Variants in ZBTB16 observed in about 807,000 individuals in gnomAD.
ZBTB16 encodes the protein zinc finger and BTB domain-containing protein 16.
Under a neutral mutation model 56.8 loss-of-function variants are expected in ZBTB16, and 8 were observed. The ratio of observed to expected loss-of-function variants is 0.14; its 90% CI spans 0.08 to 0.25. The LOEUF (loss-of-function observed/expected upper bound fraction) is 0.25. ZBTB16 is among the 10% of genes least tolerant of loss of function. The pLI, the probability that ZBTB16 is intolerant of heterozygous loss-of-function variation, is 1.00. For missense variants in ZBTB16, 625 were observed against 903.0 expected, an observed-to-expected ratio of 0.69 and a Z score of 3.95; for synonymous variants, 363 against 368.5, an observed-to-expected ratio of 0.98 and a Z score of 0.17.
chr11:114,236,795 G>A (rs1175042035), intron 4 of ZBTB16, among the ~76,000 whole-genome samples: 1 of 152,194 alleles, frequency 6.6e-6, no homozygotes, highest in Non-Finnish European at 1.5e-5. Context: ...GTGTGTTGGG[G>A]AATATAAAGA....
chr11:114,123,224 G>A (rs1236805786), intron 2 of ZBTB16, among the ~76,000 whole-genome samples: 1 of 152,096 alleles, frequency 6.6e-6, no homozygotes, highest in Admixed American at 6.5e-5. Context: ...ATTAATTGTA[G>A]AGGGGCACAA....
chr11:114,090,026 T>G (rs2137722570), intron 2 of ZBTB16, among the ~76,000 whole-genome samples: 1 of 152,324 alleles, frequency 6.6e-6, no homozygotes, highest in South Asian at 2.1e-4. Context: ...AGTTAAGATC[T>G]TAGCTCCATA....
intron 4 of ZBTB16, among the ~76,000 whole-genome samples, chr11:114,239,581 C>A (rs912590753): frequency 2.0e-5 from 3 of 152,208 alleles, no homozygotes; most frequent in Non-Finnish European, 4.4e-5. Context: ...CAGAAAGATA[C>A]ATCTCTCATT....
At chr11:114,080,718 C>T (rs1438179577) in intron 2 of ZBTB16, among the ~76,000 whole-genome samples, 1 of 152,178 alleles carries the variant, frequency 6.6e-6, no homozygotes, top group African/African-American at 2.4e-5. Flanking sequence ...TCTGCTTTCT[C>T]CCTTCTATTT....
chr11:114,142,775 G>GA, intron 2 of ZBTB16, among the ~76,000 whole-genome samples: 1 of 152,184 alleles, frequency 6.6e-6, no homozygotes, highest in South Asian at 2.1e-4. Flanking sequence ...GGGAGCTGGG[G>GA]GGATTGTGGA....
chr11:114,240,054 C>T (rs1014194212), intron 4 of ZBTB16, among the ~76,000 whole-genome samples: 4 of 152,222 alleles, frequency 2.6e-5, no homozygotes, highest in Non-Finnish European at 5.9e-5. Flanking sequence ...ATTCGCTCCC[C>T]TTCCTTCCTG....
intron 4 of ZBTB16, 99 bp from the exon 5 acceptor site, chr11:114,242,068 G>T: frequency 6.7e-7 from 1 of 1,485,100 alleles, no homozygotes; most frequent in Non-Finnish European, 9.3e-7. Flanking sequence ...ATGGGGATTT[G>T]GAGGTGTGAG....
intron 4 of ZBTB16, among the ~76,000 whole-genome samples, chr11:114,201,955 TA>T (rs34910872): frequency 6.6e-6 from 1 of 152,208 alleles, no homozygotes; most frequent in African/African-American, 2.4e-5. Flanking sequence ...GGAGGACTTC[TA>T]AAAAGAAAAG....
chr11:114,081,648 C>T (rs1479143201), intron 2 of ZBTB16, among the ~76,000 whole-genome samples: 6 of 152,082 alleles, frequency 3.9e-5, no homozygotes, highest in Non-Finnish European at 8.8e-5. Flanking sequence ...CAGTCCTGTC[C>T]GTAACTGTGT....
intron 2 of ZBTB16, among the ~76,000 whole-genome samples, chr11:114,087,488 C>T (rs937354169): frequency 6.6e-5 from 10 of 152,166 alleles, no homozygotes; most frequent in African/African-American, 2.4e-4. Context: ...TGGTCTCTGC[C>T]CTCTTCCCAG....
intron 3 of ZBTB16, among the ~76,000 whole-genome samples, chr11:114,162,399 G>A (rs1293390269): frequency 6.6e-6 from 1 of 152,232 alleles, no homozygotes; most frequent in Non-Finnish European, 1.5e-5. Context: ...CCCTGTGACT[G>A]GGAGGAGACA....
At chr11:114,149,928 G>A (rs1345600699) in intron 2 of ZBTB16, among the ~76,000 whole-genome samples, 1 of 152,162 alleles carries the variant, frequency 6.6e-6, no homozygotes, top group East Asian at 1.9e-4. Flanking sequence ...AGGGTGGTTG[G>A]AAATTGCCTT....
intron 4 of ZBTB16, among the ~76,000 whole-genome samples, chr11:114,217,266 A>C (rs1944125162): frequency 6.6e-6 from 1 of 152,198 alleles, no homozygotes; most frequent in Admixed American, 6.5e-5. Context: ...GAAGCCTTTA[A>C]AAAGGAAGTT....
intron 3 of ZBTB16, among the ~76,000 whole-genome samples, chr11:114,175,807 A>G (rs1304374362): frequency 6.6e-6 from 1 of 151,986 alleles, no homozygotes; most frequent in East Asian, 1.9e-4. Flanking sequence ...CCAATGAGGT[A>G]TGTCATTTGG....
chr11:114,138,467 C>CATT (rs1385992401), intron 2 of ZBTB16, among the ~76,000 whole-genome samples: 2 of 152,152 alleles, frequency 1.3e-5, no homozygotes, highest in African/African-American at 4.8e-5. Flanking sequence ...TCCTGTCATA[C>CATT]ATTATTAGTG....
At chr11:114,093,474 C>T (rs1488117389) in intron 2 of ZBTB16, among the ~76,000 whole-genome samples, 1 of 152,214 alleles carries the variant, frequency 6.6e-6, no homozygotes, top group African/African-American at 2.4e-5. Context: ...CTCTCTTGTC[C>T]TTGCCCATCT....
Position 114,063,390 on chromosome 11 carries a change from C to T in ZBTB16, c.90C>T (p.Ala30=), listed in dbSNP as rs150708066. The change falls in exon 2 of 7, where the codon GCC becomes GCT. Residue 30 remains alanine (A), a synonymous_variant. Coordinates refer to ENST00000335953, the MANE Select transcript of ZBTB16 (RefSeq NM_006006.6). The surrounding 1 kb of genome is among the most constrained non-coding windows in gnomAD (Gnocchi z 6.5). The part of the protein sequence containing the change: ...LLCKANQMRL[A]GTLCDVVIMV... ...GCAAGGCCAACCAGATGCGGCTGGC[C>T]GGGACTTTGTGCGATGTGGTCATCA... 1.7e-4 allele frequency: 274 copies of T among 1,613,978 alleles called. No homozygotes were observed. Among genetic ancestry groups the T allele is most frequent in the Non-Finnish European group, 2.1e-4 (250 of 1,180,048 alleles).
chr11:114,230,413 T>G (rs1944415495), intron 4 of ZBTB16, among the ~76,000 whole-genome samples: 1 of 152,164 alleles, frequency 6.6e-6, no homozygotes, highest in Non-Finnish European at 1.5e-5. Flanking sequence ...TTTAATTTGC[T>G]TCTGAATGTC....
At chr11:114,135,187 A>G (rs1275528102) in intron 2 of ZBTB16, among the ~76,000 whole-genome samples, 3 of 152,176 alleles carry the variant, frequency 2.0e-5, no homozygotes, top group Non-Finnish European at 4.4e-5. Context: ...GGGTATTAGG[A>G]AGGTGACTTG....
Sources: allele counts gnomAD v4.1 joint callset (sites outside exome capture counted in the v4.1 genomes callset), GRCh38; gene constraint gnomAD v4.1.1; non-coding constraint Gnocchi (gnomAD v3.1); transcripts MANE v1.5; gene names NCBI Gene and HGNC (gene_info 2026-07-23, HGNC 2026-07-21).